PKD1L1: variants seen among roughly 807,000 people sequenced by gnomAD.
The protein encoded by PKD1L1 is polycystin-1-like protein 1.
In PKD1L1, 236 loss-of-function variants were observed where a neutral mutation model predicts 323.4. The ratio of observed to expected loss-of-function variants is 0.73; its 90% confidence interval spans 0.66 to 0.81. The LOEUF (loss-of-function observed/expected upper bound fraction) is 0.81. Among genes scored for constraint, PKD1L1 ranks in the 40% least tolerant of loss-of-function variants. PKD1L1 has a pLI of 0.00. For synonymous variants in PKD1L1, 1,344 were observed against 1,335.0 expected, an observed-to-expected ratio of 1.01 and a Z score of -0.15; for missense variants, 3,320 against 3,508.0, an observed-to-expected ratio of 0.95 and a Z score of 1.35.
At chr7:47,912,830 A>AG (rs934141861) in intron 8 of PKD1L1, among the ~76,000 whole-genome samples, 1 of 151,520 alleles carries the variant, frequency 6.6e-6, no homozygotes, top group Non-Finnish European at 1.5e-5. Context: ...AAAAAAAAAA[A>AG]AAAAAAAAGA....
At chr7:47,927,256 GAAAA>G in intron 7 of PKD1L1, among the ~76,000 whole-genome samples, 1 of 147,882 alleles carries the variant, frequency 6.8e-6, no homozygotes, top group Non-Finnish European at 1.5e-5. Flanking sequence ...ATAACAAATT[GAAAA>G]AAAAAGTACT....
chr7:47,904,342 C>T (rs1483160039), intron 12 of PKD1L1, 36 bp downstream of exon 12: 2 of 1,612,942 alleles, frequency 1.2e-6, no homozygotes, highest in Admixed American at 1.7e-5. Flanking sequence ...CCCGCGCTGT[C>T]TGTAGAGAGC....
rs369247066 is a variant in PKD1L1, at chr7:47,905,127, C to T, written c.1691+30G>A. On this transcript the variant is annotated intron_variant, in intron 11 of 56. Transcript: ENST00000289672. ...TGAGTATAGGCTGCAGTACAAACAG[C>T]TACTCAGCAGGACTGCTACTTTTAC... 5.7e-5 allele frequency: 91 copies of T among 1,602,986 alleles called. No individual in the cohort carries two copies. In the African/African-American group the frequency reaches 1.1e-3, roughly 19 times the overall value.
chr7:47,917,733 A>G (rs546878739), intron 7 of PKD1L1, among the ~76,000 whole-genome samples: 41 of 152,354 alleles, frequency 2.7e-4, no homozygotes, highest in African/African-American at 9.4e-4. Context: ...AGCTTCATAC[A>G]TGAAGAAAAG....
Position 47,915,536 on chromosome 7 carries a change from T to C in PKD1L1, c.1124A>G (p.Gln375Arg). ...CAAGTAAACATTTAAAGTTGTATTT[T>C]GTGTCTCTGCTTCTTTGTAGGTGGA... ...DMSTYKEAET[Q>R]NTTLNVYLCQ... Residue 375 changes from glutamine (Q) to arginine (R), a missense_variant, in exon 8 of 57, where the codon CAA (glutamine) becomes CGA (arginine). Transcript: ENST00000289672. 1 of 1,555,662 alleles carries C rather than the reference T, an allele frequency of 6.4e-7. No homozygotes were observed. The highest frequency in any genetic ancestry group is 8.9e-7 in the Non-Finnish European group (1 of 1,127,058).
chr7:47,885,552 T>C, intron 18 of PKD1L1, 134 bp downstream of exon 18: 1 of 1,213,190 alleles, frequency 8.2e-7, no homozygotes, highest in Non-Finnish European at 1.1e-6. Flanking sequence ...AAGTGGTGGG[T>C]GTGAACCTGG....
intron 22 of PKD1L1, 34 bp downstream of exon 22, chr7:47,877,455 G>T (rs1276616637): frequency 9.3e-6 from 15 of 1,609,984 alleles, no homozygotes; most frequent in Non-Finnish European, 1.3e-5. Context: ...ACTGTCGGGG[G>T]TCTCTCAGGA....
At chr7:47,822,630 A>G (rs558993761) in intron 45 of PKD1L1, among the ~76,000 whole-genome samples, 1 of 143,940 alleles carries the variant, frequency 6.9e-6, no homozygotes, top group East Asian at 2.1e-4. Context: ...CAGCTGTGGT[A>G]TTGCATTGAA....
chr7:47,900,774 T>C (rs970407840), intron 13 of PKD1L1, among the ~76,000 whole-genome samples: 10 of 151,880 alleles, frequency 6.6e-5, no homozygotes, highest in African/African-American at 2.4e-4. Context: ...GCAACAACAG[T>C]TGTTCAATCA....
intron 7 of PKD1L1, among the ~76,000 whole-genome samples, chr7:47,926,108 T>C (rs922248434): frequency 2.0e-5 from 3 of 152,220 alleles, no homozygotes; most frequent in Non-Finnish European, 2.9e-5. Context: ...TCCAGATCTT[T>C]TCCTGATCCA....
In PKD1L1 at chr7:47,898,159, C is replaced by A; in HGVS notation, c.2100G>T (p.Thr700=). ...TATCACAGAAGACTGCAGCTTCAAA[C>A]GTCACTCCCAGCCTCACAGGCTGAG... ...WRSQPVRLGV[T]FEAAVFCDIS... is the part of the protein sequence containing the mutation. Residue 700 remains threonine, a synonymous_variant, in exon 14 of 57, where the codon ACG becomes ACT. Transcript: ENST00000289672. The A allele has an allele frequency of 6.2e-7, 1 of 1,614,106 alleles. No individual in the cohort carries two copies.
At chr7:47,849,200 G>A (rs1306583136) in intron 31 of PKD1L1, among the ~76,000 whole-genome samples, 5 of 152,264 alleles carry the variant, frequency 3.3e-5, no homozygotes, top group Admixed American at 6.5e-5. Flanking sequence ...AAATCAACTC[G>A]AGCTGGATCA....
upstream of PKD1L1, among the ~76,000 whole-genome samples, chr7:47,950,962 C>T (rs182664492): frequency 3.9e-5 from 6 of 152,264 alleles, no homozygotes; most frequent in South Asian, 2.1e-4. Flanking sequence ...TGGGGTTTGC[C>T]GAGCACTGCA....
At position 47,888,032 on chromosome 7, in the gene PKD1L1, C is replaced by T. The variant is rs773071202; in HGVS notation, c.2794G>A (p.Asp932Asn). 2 of 1,613,838 alleles carry T rather than the reference C, an allele frequency of 1.2e-6. No individual in the cohort carries two copies. Among genetic ancestry groups the T allele is most frequent in the East Asian group, 4.5e-5 (2 of 44,870 alleles). Reference sequence around the variant, plus strand: ...TCTGTTGCATTGACTAAAAAGAGATCCCAGGAATAAGACAGATTCGGTATT... The same window carrying T: ...TCTGTTGCATTGACTAAAAAGAGATTCCAGGAATAAGACAGATTCGGTATT... ...SEIPNLSYSW[D>N]LFLVNATEKN... The change falls in exon 17 of 57, where the codon GAT becomes AAT. Residue 932 changes from aspartate to asparagine, a missense_variant. By Grantham distance (23) the Asp-to-Asn change is conservative. Transcript: ENST00000289672.
intron 32 of PKD1L1, among the ~76,000 whole-genome samples, chr7:47,846,025 T>C (rs1562956958): frequency 6.6e-6 from 1 of 152,232 alleles, no homozygotes; most frequent in African/African-American, 2.4e-5. Context: ...TAAGTTTGGA[T>C]GTGCTCCTAG....
At chr7:47,935,469 G>C (rs895615858) in intron 4 of PKD1L1, among the ~76,000 whole-genome samples, 12 of 152,196 alleles carry the variant, frequency 7.9e-5, no homozygotes, top group Non-Finnish European at 1.5e-4. Context: ...ACAGACCTGG[G>C]CCCACGCATC....
In PKD1L1 at chr7:47,844,704, C is replaced by A. The variant is rs181385573; in HGVS notation, c.5237+291G>T. ...TATCAACCCTATCAATAATAATTGA[C>A]CAAATTCACACTGAACTAAAACTAA... On this transcript the variant is annotated intron_variant, in intron 33 of 56. Coordinates refer to ENST00000289672, the MANE Select transcript of PKD1L1 (RefSeq NM_138295.5). 7.9e-5 allele frequency among the ~76,000 whole-genome samples: 12 copies of A among 152,208 alleles called. No homozygotes were observed. The East Asian group carries it at 2.3e-3, about 29-fold the overall frequency.
chr7:47,944,364 C>T (rs973197281), intron 1 of PKD1L1, among the ~76,000 whole-genome samples: 7 of 152,236 alleles, frequency 4.6e-5, no homozygotes, highest in East Asian at 3.8e-4. Context: ...CAGTAGCAGA[C>T]GCCAGCATTA....
chr7:47,876,791 T>G (rs924354431), intron 22 of PKD1L1, among the ~76,000 whole-genome samples: 25 of 151,852 alleles, frequency 1.6e-4, no homozygotes, highest in African/African-American at 5.8e-4. Context: ...TTTTTTAAAT[T>G]TTTTTTTGAG....
Sources: gnomAD v4.1 joint callset for allele counts (sites outside exome capture counted in the v4.1 genomes callset) on GRCh38, gnomAD v4.1.1 for gene constraint, MANE v1.5 for transcripts, NCBI Gene and HGNC (gene_info 2026-07-23, HGNC 2026-07-21) for gene names.